Variants in NKD2 observed in about 807,000 individuals in gnomAD.
NKD2 encodes protein naked cuticle homolog 2.
A neutral mutation model predicts 34.8 loss-of-function variants in NKD2; 43 were observed. The ratio of observed to expected loss-of-function variants is 1.24; its 90% CI spans 0.97 to 1.60. The LOEUF (loss-of-function observed/expected upper bound fraction) is 1.60. NKD2 is among the 40% of genes most tolerant of loss of function. The pLI is 0.00. For missense variants in NKD2, 675 were observed against 627.1 expected (o/e 1.08, Z -0.82); for synonymous variants, 278 against 265.1 (o/e 1.05, Z -0.47).
At chr5:1,034,604 T>C (rs1425323497) in intron 6 of NKD2, 152 bp from the exon 7 acceptor site, 5 of 875,088 alleles carry the variant, frequency 5.7e-6, no homozygotes, top group Admixed American at 5.0e-5. Flanking sequence ...CCCAGGCTGC[T>C]CCGAGAAGAT....
At chr5:1,035,095 A>C (rs1299998464) in intron 7 of NKD2, among the ~76,000 whole-genome samples, 192 bp downstream of exon 7, 1 of 152,206 alleles carries the variant, frequency 6.6e-6, no homozygotes, top group African/African-American at 2.4e-5. Context: ...TTAATGAATG[A>C]ATGAACAAGT....
intron 3 of NKD2, among the ~76,000 whole-genome samples, chr5:1,024,732 C>T (rs113068187): frequency 5.7e-3 from 187 of 32,686 alleles, no homozygotes; most frequent in Non-Finnish European, 9.7e-3. Context: ...GGCGTCTCAG[C>T]CCATTGTCCC....
chr5:1,013,624 CTGTG>C (rs1755841353), intron 3 of NKD2, among the ~76,000 whole-genome samples: 1 of 152,114 alleles, frequency 6.6e-6, no homozygotes, highest in Non-Finnish European at 1.5e-5. Flanking sequence ...CCACTGAGGG[CTGTG>C]TGTGCGCCCA....
At position 1,038,461 on chromosome 5, in the gene NKD2, T is replaced by G. The variant is rs1276241862; in HGVS notation, c.*88T>G. The stretch of plus-strand genomic sequence containing the variant: ...AGAGCAGCTGCCGGCTGTGTGCCCA[T>G]GGGGAGCCCAGCCCCCACCCCCCAC... On this transcript the variant is annotated 3_prime_UTR_variant, in exon 10 of 10. Transcript: ENST00000296849. The surrounding 1 kb of genome is among the most constrained non-coding windows in gnomAD (Gnocchi z 4.5). 1 of 1,534,236 alleles carries G rather than the reference T, an allele frequency of 6.5e-7. No individual in the cohort carries two copies. Among genetic ancestry groups the G allele is most frequent in the African/African-American group, 1.4e-5 (1 of 72,388 alleles).
chr5:1,035,943 G>T (rs1733893887), intron 8 of NKD2: 2 of 401,646 alleles, frequency 5.0e-6, no homozygotes, highest in East Asian at 4.5e-5. Context: ...CTGGGGTGTG[G>T]CTGGCGCAGT....
At chr5:1,029,564 G>A (rs1227638578) in intron 3 of NKD2, among the ~76,000 whole-genome samples, 8 of 152,156 alleles carry the variant, frequency 5.3e-5, no homozygotes, top group African/African-American at 1.7e-4. Flanking sequence ...CCACAAGTGC[G>A]CTCAGAATTT....
In NKD2 at chr5:1,028,463, G is replaced by A. The variant is rs138558034; in HGVS notation, c.142-3689G>A. On this transcript the variant is annotated intron_variant, in intron 3 of 9. Coordinates refer to ENST00000296849, the MANE Select transcript of NKD2 (RefSeq NM_033120.4). ...GGAGTGGGGTTGAGCTGCTCAGGCA[G>A]ATGCGGCTGCTTTCCTTATGGGATG... Among the ~76,000 whole-genome samples, 7 of 152,338 alleles carry A rather than the reference G, an allele frequency of 4.6e-5. No homozygotes were observed. The East Asian group carries it at 1.3e-3, about 29-fold the overall frequency.
chr5:1,024,711 C>T (rs1756328623), intron 3 of NKD2, among the ~76,000 whole-genome samples: 1 of 61,194 alleles, frequency 1.6e-5, no homozygotes, highest in Non-Finnish European at 3.3e-5. Context: ...CTGCTCTTCC[C>T]ACCCTCTGTG....
chr5:1,016,085 C>G (rs541012068), intron 3 of NKD2, among the ~76,000 whole-genome samples: 9 of 152,328 alleles, frequency 5.9e-5, no homozygotes, highest in African/African-American at 2.2e-4. Flanking sequence ...GGGGTCTGCC[C>G]AGGTAGCAGG....
intron 3 of NKD2, among the ~76,000 whole-genome samples, chr5:1,023,703 T>C (rs377638653): frequency 8.2e-3 from 11 of 1,346 alleles, no homozygotes; most frequent in Non-Finnish European, 0.071. Flanking sequence ...TGTGGGCGTC[T>C]CAGCCCATTG....
chr5:1,030,113 G>T (rs1389607551), intron 3 of NKD2, among the ~76,000 whole-genome samples: 2 of 151,626 alleles, frequency 1.3e-5, no homozygotes, highest in Non-Finnish European at 2.9e-5. Context: ...GAGCTCCCAA[G>T]GGTAGACAGG....
At chr5:1,020,635 A>G (rs1756138490) in intron 3 of NKD2, among the ~76,000 whole-genome samples, 1 of 151,662 alleles carries the variant, frequency 6.6e-6, no homozygotes, top group Non-Finnish European at 1.5e-5. Context: ...TGCCTGGTCA[A>G]AAAGCCAGGT....
At chr5:1,033,643 T>C in intron 5 of NKD2, 144 bp downstream of exon 5, 1 of 1,075,406 alleles carries the variant, frequency 9.3e-7, no homozygotes, top group Non-Finnish European at 1.3e-6. Context: ...GTTTAAGGCA[T>C]TGAAGCAGAA....
chr5:1,038,643 C>T lies in NKD2; in HGVS notation c.*270C>T. The T allele has an allele frequency of 2.9e-6, 2 of 690,280 alleles. No homozygotes were observed. Among genetic ancestry groups the T allele is most frequent in the Middle Eastern group, 4.8e-4 (2 of 4,132 alleles). 42.8% of individuals were successfully genotyped at this position (690,280 alleles called of 1,614,324 possible). A position where few individuals can be genotyped will look rare whatever the true frequency, so the allele number is the denominator to read the frequency against. The stretch of plus-strand genomic sequence containing the variant: ...GCCACTATGTTTCCTGGCTCTAAGG[C>T]TCGTCTGTGTAACCCATAAAACCTG... On this transcript the variant is annotated 3_prime_UTR_variant, in exon 10 of 10. Coordinates refer to ENST00000296849, the MANE Select transcript of NKD2 (RefSeq NM_033120.4). This position sits in a 1 kb window ranked among gnomAD's most constrained non-coding sequence, Gnocchi z 4.5.
chr5:1,033,374 G>C lies in NKD2; in HGVS notation c.205G>C (p.Ala69Pro), dbSNP rs1258701997. 1.3e-6 allele frequency: 2 copies of C among 1,597,112 alleles called. No homozygotes were observed. ...TTCGCCTCCTCTTGTCCCCCTAGTG[G>C]CACTCCCCGCTGAGAAAGCTGAGGG... ...FREDQCPLQV[A>P]LPAEKAEGRE... The change falls in exon 5 of 10, where the codon GCA (alanine) becomes CCA (proline). Residue 69 changes from alanine to proline, a missense_variant and splice_region_variant. By Grantham distance (27) the Ala-to-Pro change is conservative (BLOSUM62 -1). Coordinates refer to ENST00000296849, the MANE Select transcript of NKD2 (RefSeq NM_033120.4).
At chr5:1,021,432 C>CT (rs1260796281) in intron 3 of NKD2, among the ~76,000 whole-genome samples, 1 of 145,622 alleles carries the variant, frequency 6.9e-6, no homozygotes, top group Non-Finnish European at 1.5e-5. Context: ...CCCCCAGCCC[C>CT]TCCCCACAGG....
intron 3 of NKD2, among the ~76,000 whole-genome samples, chr5:1,026,754 C>T (rs966259200): frequency 3.3e-5 from 5 of 152,270 alleles, no homozygotes; most frequent in Admixed American, 1.3e-4. Context: ...CTACCACGTC[C>T]AGCATCCTCC....
rs1579280088 is a variant in NKD2 at position 1,037,504 on chromosome 5, A to C, written c.788-301A>C. 4 of 1,533,270 alleles carry C rather than the reference A, an allele frequency of 2.6e-6. No homozygotes were observed. In the East Asian group the frequency reaches 9.8e-5, roughly 38 times the overall value. 95.0% of individuals were successfully genotyped at this position (1,533,270 alleles called of 1,614,324 possible). The stretch of plus-strand genomic sequence containing the variant: ...CCCTGATATAACCTGGCTTTCTGCC[A>C]CGGCGCCCCAAGCAGGGTCTCAGCT... On this transcript the variant is annotated intron_variant, in intron 9 of 9. Coordinates refer to ENST00000296849, the MANE Select transcript of NKD2 (RefSeq NM_033120.4).
chr5:1,036,226 G>A (rs1415966594), intron 8 of NKD2, 31 bp from the exon 9 acceptor site: 1 of 1,554,788 alleles, frequency 6.4e-7, no homozygotes, highest in East Asian at 2.3e-5. Context: ...AGTCTGTGCG[G>A]GGGTCAGGCC....
Sources: gnomAD v4.1 joint callset for allele counts (sites outside exome capture counted in the v4.1 genomes callset) on GRCh38, gnomAD v4.1.1 for gene constraint, Gnocchi (gnomAD v3.1) non-coding constraint, MANE v1.5 for transcripts, NCBI Gene and HGNC (gene_info 2026-07-23, HGNC 2026-07-21) for gene names.